NKD1: variants seen among roughly 807,000 people sequenced by gnomAD.
NKD1 encodes protein naked cuticle homolog 1.
In NKD1, 21 loss-of-function variants were observed where a neutral mutation model predicts 56.0. The observed-to-expected ratio is 0.38, with a 90% confidence interval of 0.27 to 0.54. The LOEUF (loss-of-function observed/expected upper bound fraction) is 0.54, where lower values mean the gene tolerates loss of function less well. NKD1 is among the 20% of genes least tolerant of loss of function. The pLI is 0.82. For synonymous variants in NKD1, 263 were observed against 265.7 expected (o/e 0.99, Z 0.10); for missense variants, 578 against 642.7 (o/e 0.90, Z 1.09).
intron 3 of NKD1, among the ~76,000 whole-genome samples, chr16:50,578,514 T>G (rs1961037602): frequency 6.6e-6 from 1 of 152,114 alleles, no homozygotes; most frequent in Non-Finnish European, 1.5e-5. Context: ...CATGTCCAGC[T>G]CCATGTTCCA....
At chr16:50,553,469 A>G (rs970851948) in intron 3 of NKD1, 1 of 152,154 alleles carries the variant, frequency 6.6e-6, no homozygotes, top group Non-Finnish European at 1.5e-5. Context: ...GCACTTTGAT[A>G]TTTGGAGAAG....
chr16:50,601,179 C>T (rs866822270), intron 3 of NKD1, among the ~76,000 whole-genome samples: 4 of 152,154 alleles, frequency 2.6e-5, no homozygotes, highest in Admixed American at 2.0e-4. Context: ...TGCAGGGGCC[C>T]GCGATACAGC....
rs571521456 is a variant in NKD1, at chr16:50,572,940, G to T, written c.192+23385G>T. On this transcript the variant is annotated intron_variant, in intron 3 of 9. Coordinates refer to ENST00000268459, the MANE Select transcript of NKD1 (RefSeq NM_033119.5). ...GAAGAGGGTGGGAGAGTGGGCTCTG[G>T]AATCAGATGAGTTTGAGTTCTGGGC... The T allele has an allele frequency of 6.2e-5, 57 of 920,520 alleles. No individual in the cohort carries two copies. In the African/African-American group the frequency reaches 9.8e-4, roughly 16 times the overall value. The allele number at this position is 920,520 out of a possible 1,614,324, so 57.0% of individuals were successfully genotyped here. A position where few individuals can be genotyped will look rare whatever the true frequency, so the allele number is the denominator to read the frequency against.
intron 3 of NKD1, among the ~76,000 whole-genome samples, chr16:50,591,100 GGT>G: frequency 6.6e-6 from 1 of 152,306 alleles, no homozygotes; most frequent in Non-Finnish European, 1.5e-5. Flanking sequence ...TGGTATTACA[GGT>G]GTGAGTCACT....
Position 50,632,237 on chromosome 16 carries a change from C to T in NKD1, c.696-44C>T. ...TAGTAGCCTATGCGCTTGCCCCCAC[C>T]TGGTGGTTGGTGTTATCCCACTCAC... On this transcript the variant is annotated intron_variant, in intron 8 of 9. Coordinates refer to ENST00000268459, the MANE Select transcript of NKD1 (RefSeq NM_033119.5). This position sits in a 1 kb window ranked among gnomAD's most constrained non-coding sequence, Gnocchi z 4.1. 6.2e-7 allele frequency: 1 copy of T among 1,608,752 alleles called. No individual in the cohort carries two copies. The highest frequency in any genetic ancestry group is 8.5e-7 in the Non-Finnish European group (1 of 1,176,042).
At chr16:50,621,778 A>C in intron 5 of NKD1, 70 bp downstream of exon 5, 2 of 1,128,556 alleles carry the variant, frequency 1.8e-6, no homozygotes, top group Non-Finnish European at 2.6e-6. Context: ...CTTTGGGAGG[A>C]GGGAAGCTGA....
chr16:50,620,090 A>C (rs1962052185), intron 4 of NKD1, among the ~76,000 whole-genome samples: 1 of 152,278 alleles, frequency 6.6e-6, no homozygotes, highest in Non-Finnish European at 1.5e-5. Flanking sequence ...GGGCTTCATG[A>C]GGATGGACTT....
At position 50,553,379 on chromosome 16, in the gene NKD1, G is replaced by A. The variant is rs944138793; in HGVS notation, c.192+3824G>A. 7 of 152,254 alleles carry A rather than the reference G, an allele frequency of 4.6e-5. No individual in the cohort carries two copies. The East Asian group carries it at 1.3e-3, about 29-fold the overall frequency. The allele number at this position is 152,254 out of a possible 1,614,324, so 9.4% of individuals were successfully genotyped here. Reference sequence around the variant, plus strand: ...AGAGCTGCCTGAAGAAATAGGCTGAGAGCCGTGGTGCAGGCAAGCCCGCCT... The same window carrying A: ...AGAGCTGCCTGAAGAAATAGGCTGAAAGCCGTGGTGCAGGCAAGCCCGCCT... On this transcript the variant is annotated intron_variant, in intron 3 of 9. Coordinates refer to ENST00000268459, the MANE Select transcript of NKD1 (RefSeq NM_033119.5).
At chr16:50,608,109 G>A in intron 3 of NKD1, 185 bp from the exon 4 acceptor site, 1 of 614,822 alleles carries the variant, frequency 1.6e-6, no homozygotes, top group East Asian at 2.8e-5. Context: ...ATGCGTGTGG[G>A]TTTATGTTAA....
intron 3 of NKD1, among the ~76,000 whole-genome samples, chr16:50,591,383 T>C (rs925960184): frequency 1.3e-5 from 2 of 152,204 alleles, no homozygotes; most frequent in East Asian, 1.9e-4. Flanking sequence ...TCTTTCCTTC[T>C]CCTCAAAATA....
At chr16:50,577,624 A>C (rs142464916) in intron 3 of NKD1, among the ~76,000 whole-genome samples, 7 of 152,338 alleles carry the variant, frequency 4.6e-5, no homozygotes, top group Non-Finnish European at 1.0e-4. Flanking sequence ...TTTATCTTGC[A>C]TAACTGAAAC....
intron 3 of NKD1, chr16:50,575,333 G>T (rs1424715643): frequency 2.0e-6 from 2 of 985,250 alleles, no homozygotes; most frequent in Non-Finnish European, 2.4e-6. Context: ...ACAAGTGTTT[G>T]CTTCATAGGC....
chr16:50,574,012 A>G, intron 3 of NKD1: 2 of 940,588 alleles, frequency 2.1e-6, no homozygotes, highest in Non-Finnish European at 2.5e-6. Context: ...ATATACATAG[A>G]AATTTTAAAA....
intron 3 of NKD1, among the ~76,000 whole-genome samples, chr16:50,593,631 C>T (rs1384855740): frequency 6.6e-6 from 1 of 152,008 alleles, no homozygotes; most frequent in Non-Finnish European, 1.5e-5. Context: ...GGTCATGTGC[C>T]CTCCCTGGTG....
intron 4 of NKD1, 44 bp from the exon 5 acceptor site, chr16:50,621,558 T>A (rs1428975756): frequency 7.6e-6 from 11 of 1,450,970 alleles, no homozygotes; most frequent in Non-Finnish European, 1.1e-5. Context: ...CTGCCCGGCG[T>A]CTGGACCCTG....
chr16:50,637,080 C>T lies in NKD1; in HGVS notation c.*3299C>T, dbSNP rs2151282529. ...TAGAGGTGCTGTCACCAGCTTGCCC[C>T]ATCCCCTCCTGGTGGTCATAAGGGT... On this transcript the variant is annotated 3_prime_UTR_variant, in exon 10 of 10. Coordinates refer to ENST00000268459, the MANE Select transcript of NKD1 (RefSeq NM_033119.5). 6.6e-6 allele frequency: 1 copy of T among 152,364 alleles called. No individual in the cohort carries two copies. Among genetic ancestry groups the T allele is most frequent in the African/African-American group, 2.4e-5 (1 of 41,574 alleles). 9.4% of individuals were successfully genotyped at this position (152,364 alleles called of 1,614,324 possible).
chr16:50,571,898 T>C (rs918781024), intron 3 of NKD1, among the ~76,000 whole-genome samples: 2 of 152,208 alleles, frequency 1.3e-5, no homozygotes, highest in African/African-American at 4.8e-5. Flanking sequence ...TCCATAAGGC[T>C]GAGCACAACC....
chr16:50,580,645 A>G (rs917620321), intron 3 of NKD1, among the ~76,000 whole-genome samples: 5 of 152,296 alleles, frequency 3.3e-5, no homozygotes, highest in Middle Eastern at 3.4e-3. Flanking sequence ...TGACCCTTTC[A>G]ATTTTTTAAA....
chr16:50,611,359 G>A (rs947820672), intron 4 of NKD1, among the ~76,000 whole-genome samples: 1 of 121,982 alleles, frequency 8.2e-6, no homozygotes, highest in Non-Finnish European at 1.5e-5. Context: ...CTTTAGGAAG[G>A]CTGCTCTGCA....
Sources: gnomAD v4.1 joint callset for allele counts (sites outside exome capture counted in the v4.1 genomes callset) on GRCh38, gnomAD v4.1.1 for gene constraint, Gnocchi (gnomAD v3.1) non-coding constraint, MANE v1.5 for transcripts, NCBI Gene and HGNC (gene_info 2026-07-23, HGNC 2026-07-21) for gene names.